Variants in SIL1 observed in about 807,000 individuals in gnomAD.
SIL1 encodes SIL1 nucleotide exchange factor.
A neutral mutation model predicts 49.1 loss-of-function variants in SIL1; 40 were observed. The observed-to-expected ratio is 0.81, with a 90% CI of 0.63 to 1.06. The LOEUF (loss-of-function observed/expected upper bound fraction) is 1.06. SIL1 is among the 50% of genes least tolerant of loss of function. The pLI is 0.00. For synonymous variants in SIL1, 253 were observed against 250.8 expected (o/e 1.01, Z -0.08); for missense variants, 500 against 572.6 (o/e 0.87, Z 1.29).
chr5:139,122,207 A>C (rs1750655471), intron 2 of SIL1, among the ~76,000 whole-genome samples: 1 of 152,172 alleles, frequency 6.6e-6, no homozygotes, highest in Non-Finnish European at 1.5e-5. Context: ...TGGGTACTTT[A>C]CATAGATCTC....
In SIL1 at chr5:138,963,798, G is replaced by A. The variant is rs529969039; in HGVS notation, c.768-11914C>T. Among the ~76,000 whole-genome samples the A allele has an allele frequency of 3.9e-5, 6 of 152,322 alleles. No individual in the cohort carries two copies. The East Asian group carries it at 5.8e-4, about 15-fold the overall frequency. On this transcript the variant is annotated intron_variant, in intron 7 of 9. Coordinates refer to ENST00000394817, the MANE Select transcript of SIL1 (RefSeq NM_022464.5). ...CAGGCTCCCGGTTTTCCGTGGGGGCGGATCAACATGGCCTCCTCAGCTAGC... is the reference window on the plus strand; with the variant it reads ...CAGGCTCCCGGTTTTCCGTGGGGGCAGATCAACATGGCCTCCTCAGCTAGC...
intron 3 of SIL1, among the ~76,000 whole-genome samples, chr5:139,082,829 G>A (rs756856955): frequency 1.2e-4 from 18 of 152,184 alleles, no homozygotes; most frequent in Non-Finnish European, 2.5e-4. Flanking sequence ...CATAATCAGT[G>A]AGATCCTAGT....
rs115304471 is a variant in SIL1 at position 139,072,986 on chromosome 5, C to T, written c.245-21940G>A. Among the ~76,000 whole-genome samples, 991 of 152,160 alleles carry T rather than the reference C, an allele frequency of 6.5e-3. 3 individuals are homozygous for T. Among genetic ancestry groups the T allele is most frequent in the Non-Finnish European group, 0.011 (743 of 67,982 alleles). ...AACATCACTAATCATCAGGGAAACA[C>T]AAATTAAAATCACAATGAAGTATCA... On this transcript the variant is annotated intron_variant, in intron 3 of 9. Transcript: ENST00000394817.
intron 1 of SIL1, among the ~76,000 whole-genome samples, chr5:139,163,498 T>C (rs917675351): frequency 8.6e-5 from 13 of 151,992 alleles, no homozygotes; most frequent in African/African-American, 3.1e-4. Flanking sequence ...GCCTCCTGAG[T>C]AGCTGGGATT....
chr5:139,150,177 G>A (rs752687984), intron 1 of SIL1, among the ~76,000 whole-genome samples: 12 of 152,114 alleles, frequency 7.9e-5, no homozygotes, highest in South Asian at 2.1e-4. Context: ...AAACCCCAGC[G>A]GATAACTTCA....
At chr5:139,196,930 A>G (rs1382225271) in intron 1 of SIL1, among the ~76,000 whole-genome samples, 3 of 152,128 alleles carry the variant, frequency 2.0e-5, no homozygotes, top group Non-Finnish European at 4.4e-5. Context: ...GAGAGCAGAA[A>G]AGACACACAC....
At chr5:139,160,001 C>T (rs536910858) in intron 1 of SIL1, among the ~76,000 whole-genome samples, 1 of 152,274 alleles carries the variant, frequency 6.6e-6, no homozygotes. Flanking sequence ...CAGGCCATTA[C>T]CATCCCTGAA....
intron 7 of SIL1, among the ~76,000 whole-genome samples, chr5:138,986,824 T>C (rs920495744): frequency 2.1e-4 from 32 of 152,240 alleles, no homozygotes; most frequent in Non-Finnish European, 2.8e-4. Context: ...TTTAAAGTTC[T>C]GTTCAGATAA....
chr5:139,165,911 C>T (rs548358462), intron 1 of SIL1, among the ~76,000 whole-genome samples: 1 of 152,162 alleles, frequency 6.6e-6, no homozygotes, highest in Admixed American at 6.5e-5. Context: ...GATCCGCCCA[C>T]CTAGGCCTCC....
intron 5 of SIL1, among the ~76,000 whole-genome samples, chr5:139,032,504 G>A (rs150498727): frequency 1.6e-4 from 24 of 152,224 alleles, no homozygotes; most frequent in Admixed American, 4.6e-4. Context: ...TTCCATGTTC[G>A]TGAGGAATGT....
At chr5:138,951,689 G>A (rs1245429283) in intron 8 of SIL1, 99 bp downstream of exon 8, 2 of 1,132,438 alleles carry the variant, frequency 1.8e-6, no homozygotes, top group Non-Finnish European at 2.7e-6. Flanking sequence ...TGATGCTCAG[G>A]CCCCCATGGT....
intron 1 of SIL1, among the ~76,000 whole-genome samples, chr5:139,175,247 G>A (rs1321859009): frequency 6.6e-6 from 1 of 152,146 alleles, no homozygotes; most frequent in Admixed American, 6.5e-5. Context: ...GCTTGAAGCC[G>A]GGAGGCGGAG....
chr5:139,163,816 T>C (rs1255722630), intron 1 of SIL1, among the ~76,000 whole-genome samples: 1 of 152,186 alleles, frequency 6.6e-6, no homozygotes, highest in Non-Finnish European at 1.5e-5. Flanking sequence ...TCCAGCACTG[T>C]AAGTAGATAT....
intron 7 of SIL1, among the ~76,000 whole-genome samples, chr5:139,011,949 A>C (rs1768284258): frequency 1.3e-5 from 2 of 152,212 alleles, no homozygotes; most frequent in African/African-American, 4.8e-5. Flanking sequence ...AGCTTTCAAA[A>C]TTATGAAGTC....
chr5:139,005,821 A>G, intron 7 of SIL1, among the ~76,000 whole-genome samples: 1 of 18,262 alleles, frequency 5.5e-5, no homozygotes. Flanking sequence ...CATGGTGTAT[A>G]TGTGCCACAT....
chr5:139,029,017 T>G (rs931253316), intron 5 of SIL1, among the ~76,000 whole-genome samples: 3 of 152,248 alleles, frequency 2.0e-5, no homozygotes, highest in Admixed American at 1.3e-4. Flanking sequence ...GGTTCATGCC[T>G]GTAATCCTAG....
At chr5:139,044,868 T>C (rs1006350198) in intron 4 of SIL1, among the ~76,000 whole-genome samples, 1 of 152,210 alleles carries the variant, frequency 6.6e-6, no homozygotes, top group African/African-American at 2.4e-5. Context: ...ACACATTGTT[T>C]TCACTCACTA....
chr5:139,054,660 G>A (rs1457280728), intron 3 of SIL1, among the ~76,000 whole-genome samples: 1 of 152,142 alleles, frequency 6.6e-6, no homozygotes, highest in Non-Finnish European at 1.5e-5. Flanking sequence ...AAAAAAGCAT[G>A]TAAGTGTATA....
At chr5:139,152,761 T>C (rs187435438) in intron 1 of SIL1, among the ~76,000 whole-genome samples, 280 of 152,218 alleles carry the variant, frequency 1.8e-3, no homozygotes, top group African/African-American at 6.4e-3. Flanking sequence ...CCAAATTCCA[T>C]ACTCGCAACC....
Sources: allele counts gnomAD v4.1 joint callset (sites outside exome capture counted in the v4.1 genomes callset), GRCh38; gene constraint gnomAD v4.1.1; transcripts MANE v1.5; gene names NCBI Gene and HGNC (gene_info 2026-07-23, HGNC 2026-07-21).